Variants in HYAL4 observed in about 807,000 individuals in gnomAD.
HYAL4 encodes hyaluronidase 4, also known as hyaluronidase-4.
A neutral mutation model predicts 35.2 loss-of-function variants in HYAL4; 37 were observed. That is an observed-to-expected ratio of 1.05 (90% CI 0.81 to 1.38). The LOEUF is 1.38. HYAL4 is among the 40% of genes most tolerant of loss of function. The pLI is 0.00. For synonymous variants in HYAL4, 198 were observed against 203.2 expected (o/e 0.97, Z 0.22); for missense variants, 572 against 572.4 (o/e 1.00, Z 0.01).
intron 1 of HYAL4, among the ~76,000 whole-genome samples, chr7:123,832,500 T>C (rs1805900861): frequency 9.4e-6 from 1 of 106,604 alleles, no homozygotes; most frequent in East Asian, 2.5e-4. Flanking sequence ...TTTTTTTTTT[T>C]TTTTTTTTTT....
the HYAL4 span, among the ~76,000 whole-genome samples, chr7:123,786,306 C>T: frequency 6.6e-6 from 1 of 152,192 alleles, no homozygotes; most frequent in South Asian, 2.1e-4. Context: ...TGTCAAATCA[C>T]TTGGTTGCCA....
chr7:123,867,660 C>G (rs1806721991), intron 2 of HYAL4, among the ~76,000 whole-genome samples: 1 of 152,196 alleles, frequency 6.6e-6, no homozygotes, highest in South Asian at 2.1e-4. Context: ...CTACCTACTG[C>G]TTACTCCAAG....
the HYAL4 span, among the ~76,000 whole-genome samples, chr7:123,774,430 A>C: frequency 6.7e-6 from 1 of 148,278 alleles, no homozygotes; most frequent in Middle Eastern, 3.2e-3. Flanking sequence ...AATCTTGTCA[A>C]TTTTCCTTTT....
the HYAL4 span, among the ~76,000 whole-genome samples, chr7:123,807,258 A>G: frequency 6.6e-6 from 1 of 152,074 alleles, no homozygotes; most frequent in Non-Finnish European, 1.5e-5. Context: ...GCTTTAATCA[A>G]TATTTCTCTT....
chr7:123,769,208 A>C, the HYAL4 span, among the ~76,000 whole-genome samples: 1 of 152,210 alleles, frequency 6.6e-6, no homozygotes, highest in East Asian at 1.9e-4. Context: ...TGTCAAGTAC[A>C]TGTTCAAGAC....
At chr7:123,876,657 A>G (rs1483795794) in intron 4 of HYAL4, 97 bp from the exon 5 acceptor site, 1 of 1,269,364 alleles carries the variant, frequency 7.9e-7, no homozygotes, top group Non-Finnish European at 1.1e-6. Context: ...TAGAAGCTCT[A>G]ATTCTATCAG....
chr7:123,814,846 G>A, the HYAL4 span: 7 of 125,500 alleles, frequency 5.6e-5, no homozygotes, highest in Admixed American at 4.5e-4. Context: ...GGAAAAAAGC[G>A]CAGCACTTTA....
chr7:123,855,750 G>A (rs1341712077), intron 2 of HYAL4, among the ~76,000 whole-genome samples: 1 of 152,114 alleles, frequency 6.6e-6, no homozygotes, highest in East Asian at 1.9e-4. Context: ...GGCCTGCCTT[G>A]CTTGGTTGGG....
At chr7:123,792,063 T>A in the HYAL4 span, among the ~76,000 whole-genome samples, 1 of 152,144 alleles carries the variant, frequency 6.6e-6, no homozygotes, top group African/African-American at 2.4e-5. Flanking sequence ...ATGAGCCCTA[T>A]GAACTCTCAC....
chr7:123,815,975 A>T, the HYAL4 span, among the ~76,000 whole-genome samples: 2 of 152,334 alleles, frequency 1.3e-5, no homozygotes, highest in Non-Finnish European at 1.5e-5. Flanking sequence ...ACTCAGTATT[A>T]TTCAGAATGG....
At chr7:123,804,392 G>C in the HYAL4 span, among the ~76,000 whole-genome samples, 1 of 152,188 alleles carries the variant, frequency 6.6e-6, no homozygotes, top group East Asian at 1.9e-4. Context: ...TAGAGGAAGG[G>C]AGGGAAAAGA....
chr7:123,858,708 A>G (rs1050917473), intron 2 of HYAL4, among the ~76,000 whole-genome samples: 11 of 152,226 alleles, frequency 7.2e-5, no homozygotes, highest in African/African-American at 2.7e-4. Context: ...ACATGCCATT[A>G]CTATTATCAT....
intron 3 of HYAL4, among the ~76,000 whole-genome samples, chr7:123,871,893 A>G (rs893527474): frequency 2.6e-5 from 4 of 152,246 alleles, no homozygotes; most frequent in African/African-American, 7.2e-5. Context: ...GCGTGGGGAT[A>G]TAGAGGCAGT....
chr7:123,819,532 C>T, the HYAL4 span: 1 of 152,172 alleles, frequency 6.6e-6, no homozygotes, highest in Non-Finnish European at 1.5e-5. Context: ...TGATTATCTG[C>T]TTACTTGACC....
the HYAL4 span, among the ~76,000 whole-genome samples, chr7:123,779,282 G>T: frequency 6.6e-6 from 1 of 151,870 alleles, no homozygotes; most frequent in East Asian, 1.9e-4. Context: ...AGAAGAAAAA[G>T]GTTAAGAACT....
chr7:123,791,792 C>T, the HYAL4 span, among the ~76,000 whole-genome samples: 2 of 152,238 alleles, frequency 1.3e-5, no homozygotes, highest in Non-Finnish European at 2.9e-5. Flanking sequence ...TCTCTGCTGA[C>T]TGCTTAGTCA....
At position 123,874,640 on chromosome 7, in the gene HYAL4, C is replaced by T. The variant is rs983453953; in HGVS notation, c.955-121C>T. On this transcript the variant is annotated intron_variant, in intron 3 of 4. Coordinates refer to ENST00000223026, the MANE Select transcript of HYAL4 (RefSeq NM_012269.3). ...CAGGCTGGTCTCAAACTCTTGACCT[C>T]GTGATCTGCCCGCCTGGGCCTCCCA... 3.3e-5 allele frequency: 20 copies of T among 607,290 alleles called. No individual in the cohort carries two copies. In the Admixed American group the frequency reaches 3.7e-4, roughly 11 times the overall value. The allele number at this position is 607,290 out of a possible 1,614,324, so 37.6% of individuals were successfully genotyped here. A position where few individuals can be genotyped will look rare whatever the true frequency, so the allele number is the denominator to read the frequency against.
At chr7:123,836,952 C>A (rs574402836) in intron 1 of HYAL4, among the ~76,000 whole-genome samples, 1 of 151,864 alleles carries the variant, frequency 6.6e-6, no homozygotes, top group East Asian at 1.9e-4. Flanking sequence ...CGCTTGAATC[C>A]TGGAGGCCAA....
intron 2 of HYAL4, among the ~76,000 whole-genome samples, chr7:123,855,629 C>T (rs1230680370): frequency 6.6e-6 from 1 of 152,132 alleles, no homozygotes; most frequent in African/African-American, 2.4e-5. Context: ...CTGCCCTTAA[C>T]ATTTTTTCCT....
Sources: gnomAD v4.1 joint callset for allele counts (sites outside exome capture counted in the v4.1 genomes callset) on GRCh38, gnomAD v4.1.1 for gene constraint, MANE v1.5 for transcripts, NCBI Gene and HGNC (gene_info 2026-07-23, HGNC 2026-07-21) for gene names.